SYT16: variants seen among roughly 807,000 people sequenced by gnomAD.
SYT16 encodes the protein synaptotagmin 16, also known as synaptotagmin-16.
Under a neutral mutation model 61.4 loss-of-function variants are expected in SYT16, and 42 were observed. That is an observed-to-expected ratio of 0.68 (90% CI 0.53 to 0.89). The LOEUF is 0.89. Among genes scored for constraint, SYT16 ranks in the 40% least tolerant of loss-of-function variants. The probability of loss-of-function intolerance (pLI) is 0.00; values close to 1 mark genes in which losing one functional copy is unlikely to be tolerated. For missense variants in SYT16, 804 were observed against 807.3 expected (o/e 1.00, Z 0.05); for synonymous variants, 314 against 302.3 (o/e 1.04, Z -0.40).
At chr14:61,941,956 A>G (rs1176420482) in intron 1 of SYT16, among the ~76,000 whole-genome samples, 1 of 152,264 alleles carries the variant, frequency 6.6e-6, no homozygotes, top group Non-Finnish European at 1.5e-5. Context: ...TTCTTTGGCC[A>G]TATATAAAAA....
At chr14:61,864,884 A>C in intron 1 of SYT16, 1 of 1,228,362 alleles carries the variant, frequency 8.1e-7, no homozygotes, top group Non-Finnish European at 1.2e-6. Context: ...GGAGACAGTG[A>C]CCAACTGCGC....
At chr14:62,049,244 C>T (rs1459180577) in intron 3 of SYT16, among the ~76,000 whole-genome samples, 1 of 152,124 alleles carries the variant, frequency 6.6e-6, no homozygotes, top group African/African-American at 2.4e-5. Context: ...CCTTCTTTGT[C>T]TCTTTTGATC....
intron 7 of SYT16, among the ~76,000 whole-genome samples, chr14:62,099,173 A>G (rs1405884830): frequency 6.6e-6 from 1 of 152,178 alleles, no homozygotes; most frequent in Non-Finnish European, 1.5e-5. Context: ...GTTTGTGTTT[A>G]TTAGTGAGAG....
In SYT16 at chr14:62,002,350, CTTGT is replaced by C. The variant is rs569092430; in HGVS notation, c.523+5814_523+5817del. Among the ~76,000 whole-genome samples, 13 of 152,188 alleles carry C rather than the reference CTTGT, an allele frequency of 8.5e-5. No individual in the cohort carries two copies. In the South Asian group the frequency reaches 2.7e-3, roughly 32 times the overall value. On this transcript the variant is annotated intron_variant, in intron 3 of 7. Transcript: ENST00000683842. The stretch of plus-strand genomic sequence containing the variant: ...TACTACATTGTGTTTAGGGTAGGGG[CTTGT>C]TTGTTACACAGTTTTGTCAATATTG...
chr14:62,011,540 AG>A (rs578075729), intron 3 of SYT16, among the ~76,000 whole-genome samples: 7 of 152,258 alleles, frequency 4.6e-5, no homozygotes, highest in Admixed American at 4.6e-4. Flanking sequence ...GCCAGGCCTA[AG>A]TCACCTGCTA....
At chr14:62,064,611 A>G (rs542406524) in intron 3 of SYT16, among the ~76,000 whole-genome samples, 1 of 152,146 alleles carries the variant, frequency 6.6e-6, no homozygotes, top group African/African-American at 2.4e-5. Context: ...AGTTTTTTCC[A>G]TGGGGAAACA....
chr14:61,954,305 A>G (rs374332500), intron 1 of SYT16, among the ~76,000 whole-genome samples: 1,690 of 135,374 alleles, frequency 0.012, 31 homozygotes, highest in African/African-American at 0.045. Flanking sequence ...GCAATTGGTT[A>G]GCCTTTTTTT....
In SYT16 at chr14:61,902,408, C is replaced by G. The variant is rs112019692; in HGVS notation, c.-324-67724C>G. ...CATTTCCTGTGGAAAGCCTTCCTCA[C>G]CCATTACAGGTACAGTTAAGTGATT... On this transcript the variant is annotated intron_variant, in intron 1 of 7. Transcript: ENST00000683842. Among the ~76,000 whole-genome samples the G allele has an allele frequency of 3.9e-3, 600 of 152,316 alleles. 3 individuals carry two copies. The highest frequency in any genetic ancestry group is 0.014 in the African/African-American group (564 of 41,580).
chr14:62,005,579 T>C (rs2140674838), intron 3 of SYT16, among the ~76,000 whole-genome samples: 1 of 152,282 alleles, frequency 6.6e-6, no homozygotes, highest in East Asian at 1.9e-4. Flanking sequence ...TTAAACAGCA[T>C]TATGACTTTG....
At chr14:62,065,478 G>A (rs549183678) in intron 3 of SYT16, among the ~76,000 whole-genome samples, 1 of 152,040 alleles carries the variant, frequency 6.6e-6, no homozygotes, top group Non-Finnish European at 1.5e-5. Context: ...GAGAATTTTT[G>A]CTCTGTGGAT....
intron 1 of SYT16, among the ~76,000 whole-genome samples, chr14:61,965,165 AT>A (rs1385716400): frequency 1.3e-5 from 2 of 152,164 alleles, no homozygotes; most frequent in Non-Finnish European, 2.9e-5. Context: ...GCTGAGTTAC[AT>A]TTGGAATTTT....
At chr14:62,086,141 C>A (rs1295255620) in intron 7 of SYT16, among the ~76,000 whole-genome samples, 2 of 152,144 alleles carry the variant, frequency 1.3e-5, no homozygotes, top group Non-Finnish European at 2.9e-5. Flanking sequence ...TGGAGGCCAA[C>A]AAACCAAGGT....
intron 2 of SYT16, among the ~76,000 whole-genome samples, chr14:61,978,898 A>G (rs1285966778): frequency 6.6e-6 from 1 of 152,222 alleles, no homozygotes; most frequent in Non-Finnish European, 1.5e-5. Flanking sequence ...GTTATTTACG[A>G]AAGTTGTCTA....
intron 1 of SYT16, among the ~76,000 whole-genome samples, chr14:61,846,950 G>A (rs1321690117): frequency 6.6e-6 from 1 of 152,102 alleles, no homozygotes; most frequent in Non-Finnish European, 1.5e-5. Flanking sequence ...AAGATTCTAT[G>A]CCTTTACTCT....
In SYT16 at chr14:62,075,245, C is replaced by A; in HGVS notation, c.847C>A (p.His283Asn). ...SPCERGDAKH[H>N]GTSHQESSVV... Reference sequence around the variant, plus strand: ...ATGTGAAAGAGGGGATGCCAAACACCACGGCACATCTCACCAAGAGTCCAG... The same window carrying A: ...ATGTGAAAGAGGGGATGCCAAACACAACGGCACATCTCACCAAGAGTCCAG... The change falls in exon 5 of 8, where the codon CAC (histidine) becomes AAC (asparagine). Residue 283 changes from histidine (H) to asparagine (N), a missense_variant. Coordinates refer to ENST00000683842, the MANE Select transcript of SYT16 (RefSeq NM_001367656.1). The A allele has an allele frequency of 2.5e-6, 4 of 1,613,750 alleles. No homozygotes were observed. The highest frequency in any genetic ancestry group is 3.4e-6 in the Non-Finnish European group (4 of 1,179,818).
chr14:61,892,798 G>C (rs1046974259), intron 1 of SYT16, among the ~76,000 whole-genome samples: 9 of 152,156 alleles, frequency 5.9e-5, no homozygotes, highest in African/African-American at 2.2e-4. Flanking sequence ...TTAGATACCG[G>C]GCCGGCAAGA....
intron 1 of SYT16, among the ~76,000 whole-genome samples, chr14:61,841,146 G>A (rs58020945): frequency 0.16 from 24,506 of 152,136 alleles, 2,204 homozygotes; most frequent in African/African-American, 0.25. Flanking sequence ...CAGAATAGGA[G>A]GTAACCCAAG....
intron 1 of SYT16, among the ~76,000 whole-genome samples, chr14:61,861,529 C>A (rs976819060): frequency 2.6e-5 from 4 of 152,110 alleles, no homozygotes; most frequent in African/African-American, 9.7e-5. Context: ...TTCAGCCCCC[C>A]ACGTAGCTGG....
chr14:61,825,663 A>G (rs996696075), intron 1 of SYT16, among the ~76,000 whole-genome samples: 7 of 152,212 alleles, frequency 4.6e-5, no homozygotes, highest in Non-Finnish European at 7.3e-5. Flanking sequence ...AGCCTGGACA[A>G]CAGAGCAAGA....
Sources: allele counts gnomAD v4.1 joint callset (sites outside exome capture counted in the v4.1 genomes callset), GRCh38; gene constraint gnomAD v4.1.1; transcripts MANE v1.5; gene names NCBI Gene and HGNC (gene_info 2026-07-23, HGNC 2026-07-21).